CACNA1I: variants seen among roughly 807,000 people sequenced by gnomAD.
CACNA1I encodes voltage-dependent T-type calcium channel subunit alpha-1I.
CACNA1I carries 74 observed loss-of-function variants against 201.6 expected under a neutral mutation model. That is an observed-to-expected ratio of 0.37 (90% CI 0.30 to 0.45). CACNA1I has a LOEUF of 0.45. Ranked by LOEUF, CACNA1I falls within the 20% of genes least tolerant of loss-of-function variation. The probability of loss-of-function intolerance (pLI) is 1.00; values close to 1 mark genes in which losing one functional copy is unlikely to be tolerated. For synonymous variants in CACNA1I, 1,431 were observed against 1,345.2 expected, an observed-to-expected ratio of 1.06 and a Z score of -1.40; for missense variants, 2,346 against 3,138.1, an observed-to-expected ratio of 0.75 and a Z score of 6.03.
chr22:39,578,793 C>T (rs543453505), intron 1 of CACNA1I, among the ~76,000 whole-genome samples: 1 of 152,330 alleles, frequency 6.6e-6, no homozygotes, highest in South Asian at 2.1e-4. Context: ...CTATTATCCT[C>T]CAGCCCTATT....
At chr22:39,664,971 C>CG in intron 21 of CACNA1I, 48 bp downstream of exon 21, 1 of 1,565,338 alleles carries the variant, frequency 6.4e-7, no homozygotes, top group Non-Finnish European at 8.7e-7. Flanking sequence ...TGCACTGTAC[C>CG]GAGAAGCCAC....
chr22:39,677,255 C>A lies in CACNA1I; in HGVS notation c.4855-86C>A. The A allele has an allele frequency of 1.1e-6, 1 of 870,928 alleles. No individual in the cohort carries two copies. Among genetic ancestry groups the A allele is most frequent in the Non-Finnish European group, 1.8e-6 (1 of 550,208 alleles). 54.0% of individuals were successfully genotyped at this position (870,928 alleles called of 1,614,324 possible). A position where few individuals can be genotyped will look rare whatever the true frequency, so the allele number is the denominator to read the frequency against. The stretch of plus-strand genomic sequence containing the variant: ...GCTCTGACCCACAGGCTGCCCAACC[C>A]CACTGCCCCAGCCTCCACCCTTCCC... On this transcript the variant is annotated intron_variant, in intron 29 of 36. Coordinates refer to ENST00000402142, the MANE Select transcript of CACNA1I (RefSeq NM_021096.4). This position sits in a 1 kb window ranked among gnomAD's most constrained non-coding sequence, Gnocchi z 4.8.
chr22:39,604,427 C>A (rs1017319780), intron 3 of CACNA1I, among the ~76,000 whole-genome samples: 6 of 152,000 alleles, frequency 3.9e-5, no homozygotes, highest in African/African-American at 1.5e-4. Flanking sequence ...GGCTGACATG[C>A]GATGTGTGCG....
intron 6 of CACNA1I, among the ~76,000 whole-genome samples, chr22:39,642,146 G>A (rs376781502): frequency 6.6e-6 from 1 of 152,300 alleles, no homozygotes; most frequent in Admixed American, 6.5e-5. Context: ...GCCCTGGGGA[G>A]CATCAGGGTC....
intron 7 of CACNA1I, among the ~76,000 whole-genome samples, chr22:39,646,317 C>T (rs1001044566): frequency 5.9e-5 from 9 of 151,982 alleles, no homozygotes; most frequent in African/African-American, 1.9e-4. Flanking sequence ...TCTTTGTCAT[C>T]GCGTCTCTGT....
At chr22:39,642,765 CCTCTCGGCT>C (rs1569076301) in intron 6 of CACNA1I, 23 bp from the exon 7 acceptor site, 5 of 1,529,174 alleles carry the variant, frequency 3.3e-6, no homozygotes, top group Non-Finnish European at 4.5e-6. Flanking sequence ...ATGGGCCAGT[CCTCTCGGCT>C]CTCTCTCCTC....
chr22:39,649,146 C>T lies in CACNA1I; in HGVS notation c.1568-355C>T, dbSNP rs996928884. On this transcript the variant is annotated intron_variant, in intron 9 of 36. Transcript: ENST00000402142. The surrounding 1 kb of genome is among the most constrained non-coding windows in gnomAD (Gnocchi z 7.3). ...AATCACATCTAGTTCCCAAGCTGCA[C>T]GACTGGGGCTCTGGGTCTGTTCCAT... 4.6e-5 allele frequency among the ~76,000 whole-genome samples: 7 copies of T among 152,232 alleles called. No homozygotes were observed. The highest frequency in any genetic ancestry group is 1.9e-4 in the East Asian group (1 of 5,196).
At position 39,686,302 on chromosome 22, in the gene CACNA1I, G is replaced by A; in HGVS notation, c.6569G>A (p.Gly2190Asp). The A allele has an allele frequency of 8.3e-6, 11 of 1,327,196 alleles. No individual in the cohort carries two copies. Among genetic ancestry groups the A allele is most frequent in the Non-Finnish European group, 9.7e-6 (10 of 1,034,562 alleles). The allele number at this position is 1,327,196 out of a possible 1,614,324, so 82.2% of individuals were successfully genotyped here. ...GCGGACCGCAGCAAGGACCCCCCCG[G>A]CCGGGCACCGCTGCCCATGGGCCTG... ...WAADRSKDPP[G>D]RAPLPMGLGP... Residue 2190 changes from glycine to aspartate, a missense_variant, in exon 37 of 37, where the codon GGC becomes GAC. By Grantham distance (94) the Gly-to-Asp change is moderately conservative. Coordinates refer to ENST00000402142, the MANE Select transcript of CACNA1I (RefSeq NM_021096.4).
Position 39,666,153 on chromosome 22 carries a change from G to A in CACNA1I, c.4104+147G>A, listed in dbSNP as rs1935187834. On this transcript the variant is annotated intron_variant, in intron 23 of 36. Coordinates refer to ENST00000402142, the MANE Select transcript of CACNA1I (RefSeq NM_021096.4). This position sits in a 1 kb window ranked among gnomAD's most constrained non-coding sequence, Gnocchi z 4.1. ...GCCTCAGTTTCCTCTTCTGCAAAAT[G>A]GGTAAGGGTAGCACTCACCTCTCAG... 1 of 1,049,450 alleles carries A rather than the reference G, an allele frequency of 9.5e-7. No individual in the cohort carries two copies. Among genetic ancestry groups the A allele is most frequent in the African/African-American group, 1.6e-5 (1 of 63,050 alleles). The allele number at this position is 1,049,450 out of a possible 1,614,324, so 65.0% of individuals were successfully genotyped here.
rs1258525672 is a variant in CACNA1I at position 39,670,977 on chromosome 22, GC to G, written c.4539+26del. The stretch of plus-strand genomic sequence containing the variant: ...ACGGTGAGCCCTGGTCTGCCTCCCA[GC>G]CCAAGGTTACAAGGTGAGGGTGGGG... On this transcript the variant is annotated intron_variant, in intron 26 of 36. Coordinates refer to ENST00000402142, the MANE Select transcript of CACNA1I (RefSeq NM_021096.4). 3 of 1,612,196 alleles carry G rather than the reference GC, an allele frequency of 1.9e-6. No homozygotes were observed. In the African/African-American group the frequency reaches 4.0e-5, roughly 22 times the overall value.
intron 1 of CACNA1I, among the ~76,000 whole-genome samples, chr22:39,580,967 G>A (rs898658851): frequency 3.9e-5 from 6 of 152,346 alleles, no homozygotes; most frequent in South Asian, 2.1e-4. Flanking sequence ...ATGTGGGACC[G>A]CAGTACACCA....
rs1052988561 is a variant in CACNA1I, at chr22:39,605,288, G to A, written c.482+4635G>A. On this transcript the variant is annotated intron_variant, in intron 3 of 36. Transcript: ENST00000402142. ...GTCACGGCCTTCATCTCCACATCTG[G>A]TGTAACCCTCATGGCAGGTGTGTCT... Among the ~76,000 whole-genome samples, 5 of 152,074 alleles carry A rather than the reference G, an allele frequency of 3.3e-5. No homozygotes were observed. The South Asian group carries it at 1.0e-3, about 32-fold the overall frequency.
At chr22:39,645,660 A>G (rs1934466738) in intron 7 of CACNA1I, among the ~76,000 whole-genome samples, 2 of 152,162 alleles carry the variant, frequency 1.3e-5, no homozygotes. Context: ...AGCCATGGAG[A>G]ACCTCCTGGC....
intron 3 of CACNA1I, among the ~76,000 whole-genome samples, chr22:39,601,408 A>G (rs887720070): frequency 7.9e-5 from 12 of 152,220 alleles, no homozygotes; most frequent in Admixed American, 7.2e-4. Flanking sequence ...AGAGCATTTA[A>G]CACAGCAGCC....
At position 39,601,447 on chromosome 22, in the gene CACNA1I, C is replaced by T. The variant is rs762618343; in HGVS notation, c.482+794C>T. ...CTGAGCCAAGCTGGGGACTTGGGGG[C>T]TTGAGGGCTTCCTGAGGAGGTGACA... On this transcript the variant is annotated intron_variant, in intron 3 of 36. Coordinates refer to ENST00000402142, the MANE Select transcript of CACNA1I (RefSeq NM_021096.4). 7.9e-5 allele frequency among the ~76,000 whole-genome samples: 12 copies of T among 152,288 alleles called. No homozygotes were observed. In the South Asian group the frequency reaches 8.3e-4, roughly 11 times the overall value.
intron 2 of CACNA1I, among the ~76,000 whole-genome samples, chr22:39,600,234 CACCTGGGGCTCTTCT>C (rs1226746296): frequency 6.6e-6 from 1 of 152,174 alleles, no homozygotes; most frequent in Non-Finnish European, 1.5e-5. Flanking sequence ...ACCCCACCCC[CACCTGGGGCTCTTCT>C]ATCTGTTCCC....
At chr22:39,580,438 C>G (rs773681249) in intron 1 of CACNA1I, among the ~76,000 whole-genome samples, 1 of 152,156 alleles carries the variant, frequency 6.6e-6, no homozygotes, top group Non-Finnish European at 1.5e-5. Context: ...CCTCAGGTAC[C>G]CTGGCATGGA....
At chr22:39,658,357 G>A in intron 11 of CACNA1I, 54 bp downstream of exon 11, 1 of 1,542,094 alleles carries the variant, frequency 6.5e-7, no homozygotes, top group Non-Finnish European at 8.9e-7. Flanking sequence ...GACATTTACT[G>A]CAAAGACCCC....
chr22:39,645,249 A>G (rs573484865), intron 7 of CACNA1I, among the ~76,000 whole-genome samples: 71 of 152,266 alleles, frequency 4.7e-4, no homozygotes, highest in African/African-American at 1.7e-3. Flanking sequence ...AGCCTCCCAA[A>G]GTGCTGGGAT....
Sources: gnomAD v4.1 joint callset for allele counts (sites outside exome capture counted in the v4.1 genomes callset) on GRCh38, gnomAD v4.1.1 for gene constraint, Gnocchi (gnomAD v3.1) non-coding constraint, MANE v1.5 for transcripts, NCBI Gene and HGNC (gene_info 2026-07-23, HGNC 2026-07-21) for gene names.